The following KAZN variants were observed in gnomAD, a reference collection of about 807,000 sequenced individuals.
The protein encoded by KAZN is kazrin.
Under a neutral mutation model 87.4 loss-of-function variants are expected in KAZN, and 40 were observed. That is an observed-to-expected ratio of 0.46 (90% CI 0.36 to 0.60). KAZN has a LOEUF of 0.60. Among genes scored for constraint, KAZN ranks in the 20% least tolerant of loss-of-function variants. KAZN has a pLI of 0.00. For missense variants in KAZN, 898 were observed against 1,073.9 expected (o/e 0.84, Z 2.29); for synonymous variants, 466 against 458.3 (o/e 1.02, Z -0.22).
intron 1 of KAZN, among the ~76,000 whole-genome samples, chr1:14,701,051 A>G (rs1029029959): frequency 2.0e-5 from 3 of 152,212 alleles, no homozygotes; most frequent in Admixed American, 6.5e-5. Context: ...TGTATTGGAC[A>G]TTTCAAAAGA....
Position 14,398,038 on chromosome 1 carries a change from G to A in KAZN, c.250-200945G>A, listed in dbSNP as rs533717964. ...CAAAGTTCCCGATTGACTCATAGAT[G>A]CACAAGTGAGTCTAGCCAAGATAAG... On this transcript the variant is annotated intron_variant, in intron 2 of 16. Coordinates refer to the KAZN transcript ENST00000636203. Among the ~76,000 whole-genome samples, 12 of 152,236 alleles carry A rather than the reference G, an allele frequency of 7.9e-5. No individual in the cohort carries two copies. The South Asian group carries it at 2.5e-3, about 32-fold the overall frequency.
chr1:14,752,839 T>C (rs1198248293), intron 1 of KAZN, among the ~76,000 whole-genome samples: 1 of 152,182 alleles, frequency 6.6e-6, no homozygotes, highest in Non-Finnish European at 1.5e-5. Context: ...CACACCACTG[T>C]CTGTTCAAAT....
At chr1:14,204,551 T>G (rs1446588060) in intron 2 of KAZN, among the ~76,000 whole-genome samples, 1 of 152,280 alleles carries the variant, frequency 6.6e-6, no homozygotes. Flanking sequence ...AAATTTGTTT[T>G]ATATTTTATT....
chr1:14,520,228 G>T (rs1386006346), intron 2 of KAZN, among the ~76,000 whole-genome samples: 1 of 152,054 alleles, frequency 6.6e-6, no homozygotes, highest in Non-Finnish European at 1.5e-5. Context: ...TGATCCATTG[G>T]GTGTGGCCAA....
intron 2 of KAZN, among the ~76,000 whole-genome samples, chr1:14,231,366 G>GCCTCCCCCTTC (rs1361045947): frequency 3.4e-5 from 5 of 148,292 alleles, no homozygotes; most frequent in Non-Finnish European, 5.9e-5. Flanking sequence ...AATTGATAAA[G>GCCTCCCCCTTC]TGTAGCCAGA....
chr1:14,613,585 A>T (rs1677983315), intron 1 of KAZN, among the ~76,000 whole-genome samples: 1 of 152,252 alleles, frequency 6.6e-6, no homozygotes, highest in African/African-American at 2.4e-5. Flanking sequence ...TAAATGCAAA[A>T]GATTACAATG....
intron 1 of KAZN, among the ~76,000 whole-genome samples, chr1:14,123,749 T>A (rs971000044): frequency 6.6e-6 from 1 of 152,172 alleles, no homozygotes; most frequent in African/African-American, 2.4e-5. Flanking sequence ...CCAAATGACT[T>A]CTGAGGTGCC....
intron 1 of KAZN, among the ~76,000 whole-genome samples, chr1:14,762,589 G>A (rs1298852695): frequency 2.0e-5 from 3 of 152,150 alleles, no homozygotes; most frequent in African/African-American, 7.2e-5. Flanking sequence ...GCCAGTCGCG[G>A]TGGCAGGCGC....
chr1:14,702,881 C>T lies in KAZN; in HGVS notation c.226+103658C>T, dbSNP rs149876974. 2.6e-3 allele frequency among the ~76,000 whole-genome samples: 389 copies of T among 152,258 alleles called. 1 individual carries two copies. Among genetic ancestry groups the T allele is most frequent in the African/African-American group, 8.7e-3 (362 of 41,534 alleles). On this transcript the variant is annotated intron_variant, in intron 1 of 14. Coordinates refer to ENST00000376030, the MANE Select transcript of KAZN (RefSeq NM_201628.3). ...AAAGTAGAAAAACAGGAATTAATAC[C>T]TGAGATCTGTCCTAACCCACTATCC...
intron 2 of KAZN, among the ~76,000 whole-genome samples, chr1:14,244,996 T>C (rs936506333): frequency 6.6e-6 from 1 of 152,116 alleles, no homozygotes; most frequent in African/African-American, 2.4e-5. Flanking sequence ...AGTCTTGCTC[T>C]GTCACCCAGG....
Position 14,344,160 on chromosome 1 carries a change from ATTCTTT to A in KAZN, c.249+163571_249+163576del, listed in dbSNP as rs1160441308. Among the ~76,000 whole-genome samples the A allele has an allele frequency of 1.1e-4, 10 of 92,798 alleles. No homozygotes were observed. The East Asian group carries it at 1.9e-3, about 17-fold the overall frequency. The allele number at this position is 92,798 out of a possible 152,430, so 60.9% of individuals were successfully genotyped here. A position where few individuals can be genotyped will look rare whatever the true frequency, so the allele number is the denominator to read the frequency against. On this transcript the variant is annotated intron_variant, in intron 2 of 16. Coordinates refer to the KAZN transcript ENST00000636203. ...TATTGATTCACTTATCCATTCATGT[ATTCTTT>A]TTTTTTTTTTTTTTGACAAATATTT...
intron 1 of KAZN, among the ~76,000 whole-genome samples, chr1:13,905,848 T>G (rs1639417609): frequency 6.6e-6 from 1 of 152,228 alleles, no homozygotes; most frequent in South Asian, 2.1e-4. Flanking sequence ...CTCGGTGACT[T>G]AAAACGACAG....
chr1:14,062,932 G>T (rs1470307374), intron 1 of KAZN, among the ~76,000 whole-genome samples: 1 of 152,156 alleles, frequency 6.6e-6, no homozygotes, highest in East Asian at 1.9e-4. Context: ...GGCCACATCT[G>T]TCTCCATGAA....
chr1:14,088,596 T>C (rs528865427), intron 1 of KAZN, among the ~76,000 whole-genome samples: 1 of 152,134 alleles, frequency 6.6e-6, no homozygotes, highest in Non-Finnish European at 1.5e-5. Context: ...CTTCAAAGAA[T>C]GCTCTTCTGC....
chr1:14,170,749 TCTCA>T (rs1211730364), intron 1 of KAZN, among the ~76,000 whole-genome samples: 1 of 151,602 alleles, frequency 6.6e-6, no homozygotes, highest in African/African-American at 2.4e-5. Context: ...TGAGACAGAG[TCTCA>T]CTCTGTCACC....
chr1:13,940,440 T>C (rs1322335763), intron 1 of KAZN, among the ~76,000 whole-genome samples: 1 of 152,268 alleles, frequency 6.6e-6, no homozygotes, highest in African/African-American at 2.4e-5. Context: ...ATGCTCATAG[T>C]AGTCTCTGAT....
chr1:14,366,478 C>A (rs1385102978), intron 2 of KAZN, among the ~76,000 whole-genome samples: 1 of 152,248 alleles, frequency 6.6e-6, no homozygotes, highest in East Asian at 1.9e-4. Flanking sequence ...AAGCCCTTCA[C>A]TGGCGGGAAC....
chr1:14,373,933 C>T (rs574058987), intron 2 of KAZN, among the ~76,000 whole-genome samples: 8 of 152,284 alleles, frequency 5.3e-5, no homozygotes, highest in African/African-American at 1.9e-4. Context: ...AACAAAATCC[C>T]TCCCATTTGT....
At chr1:14,594,812 C>T (rs1676391932), upstream of KAZN, among the ~76,000 whole-genome samples, 1 of 152,126 alleles carries the variant, frequency 6.6e-6, no homozygotes, top group Admixed American at 6.5e-5. Context: ...GGCAAATGGG[C>T]TTGCAGGAGG....
Sources: allele counts gnomAD v4.1 joint callset (sites outside exome capture counted in the v4.1 genomes callset), GRCh38; gene constraint gnomAD v4.1.1; transcripts MANE v1.5; gene names NCBI Gene and HGNC (gene_info 2026-07-23, HGNC 2026-07-21).